The following ABHD17C variants were observed in gnomAD, a reference collection of about 807,000 sequenced individuals.
ABHD17C encodes the protein alpha/beta hydrolase domain-containing protein 17C.
In ABHD17C, 11 loss-of-function variants were observed where a neutral mutation model predicts 27.9. The observed-to-expected ratio is 0.39, with a 90% CI of 0.25 to 0.65. The LOEUF is 0.65. ABHD17C is among the 30% of genes least tolerant of loss of function. The pLI, the probability that ABHD17C is intolerant of heterozygous loss-of-function variation, is 0.45. For synonymous variants in ABHD17C, 233 were observed against 209.1 expected (o/e 1.11, Z -0.98); for missense variants, 280 against 470.2 (o/e 0.60, Z 3.74).
intron 1 of ABHD17C, among the ~76,000 whole-genome samples, chr15:80,723,248 G>C (rs559862985): frequency 1.3e-5 from 2 of 152,152 alleles, no homozygotes; most frequent in Admixed American, 1.3e-4. Flanking sequence ...GAGCTGCCAA[G>C]GCTGTTACAT....
At chr15:80,728,270 A>G (rs1895010063) in intron 1 of ABHD17C, among the ~76,000 whole-genome samples, 2 of 152,194 alleles carry the variant, frequency 1.3e-5, no homozygotes, top group African/African-American at 2.4e-5. Context: ...ACGTGCACGC[A>G]CACTCACCTA....
At chr15:80,709,766 T>C (rs150400105) in intron 1 of ABHD17C, among the ~76,000 whole-genome samples, 1 of 152,252 alleles carries the variant, frequency 6.6e-6, no homozygotes, top group African/African-American at 2.4e-5. Context: ...CCACACCTTG[T>C]ACCTCGTGAT....
Position 80,754,464 on chromosome 15 carries a change from C to A in ABHD17C, c.*94C>A. 9.1e-7 allele frequency: 1 copy of A among 1,099,616 alleles called. No homozygotes were observed. The highest frequency in any genetic ancestry group is 1.3e-6 in the Non-Finnish European group (1 of 777,074). The allele number at this position is 1,099,616 out of a possible 1,614,324, so 68.1% of individuals were successfully genotyped here. A position where few individuals can be genotyped will look rare whatever the true frequency, so the allele number is the denominator to read the frequency against. ...TGGGTAGCTGTAAAGGCTTGATAAC[C>A]ATGAAGAAGTGCCCAACCTTTAGGG... On this transcript the variant is annotated 3_prime_UTR_variant, in exon 3 of 3. Transcript: ENST00000258884.
chr15:80,695,433 C>T lies in ABHD17C; in HGVS notation c.4C>T (p.Pro2Ser). 7.5e-7 allele frequency: 1 copy of T among 1,330,130 alleles called. No homozygotes were observed. Among genetic ancestry groups the T allele is most frequent in the Non-Finnish European group, 9.8e-7 (1 of 1,024,596 alleles). 82.4% of individuals were successfully genotyped at this position (1,330,130 alleles called of 1,614,324 possible). ...CGGCGGGCACCAGGCCGTCCCGATG[C>T]CCGAGCCAGGCCCCAGGATGAACGG... Reference protein sequence around the residue: MPEPGPRMNGFS... With the variant: MSEPGPRMNGFS... Residue 2 changes from proline (P) to serine (S), a missense_variant, in exon 1 of 3, where the codon CCC (proline) becomes TCC (serine). Physicochemically the swap from Pro to Ser is moderately conservative, Grantham distance 74. Coordinates refer to ENST00000258884, the MANE Select transcript of ABHD17C (RefSeq NM_021214.2). This position sits in a 1 kb window ranked among gnomAD's most constrained non-coding sequence, Gnocchi z 4.3.
chr15:80,716,170 G>A (rs1894801409), intron 1 of ABHD17C, among the ~76,000 whole-genome samples: 2 of 152,216 alleles, frequency 1.3e-5, no homozygotes, highest in Admixed American at 1.3e-4. Flanking sequence ...GGTAACTAAA[G>A]AAGGGGGTTC....
At chr15:80,742,336 C>T (rs1247516996) in intron 1 of ABHD17C, among the ~76,000 whole-genome samples, 1 of 152,020 alleles carries the variant, frequency 6.6e-6, no homozygotes. Context: ...GAGAATCTTG[C>T]CGGGGGGTGA....
intron 1 of ABHD17C, among the ~76,000 whole-genome samples, chr15:80,735,339 G>A (rs1895115145): frequency 6.6e-6 from 1 of 151,980 alleles, no homozygotes; most frequent in African/African-American, 2.4e-5. Context: ...CTCCCAATTT[G>A]TGCCAATTTT....
intron 1 of ABHD17C, among the ~76,000 whole-genome samples, chr15:80,730,669 G>A (rs902484841): frequency 1.6e-4 from 24 of 152,186 alleles, no homozygotes; most frequent in African/African-American, 5.8e-4. Flanking sequence ...TTGAAACGTT[G>A]ACTCGCAGGA....
intron 1 of ABHD17C, among the ~76,000 whole-genome samples, chr15:80,724,019 A>G (rs552772216): frequency 1.3e-5 from 2 of 152,238 alleles, no homozygotes; most frequent in South Asian, 2.1e-4. Context: ...CCTGGCCAAC[A>G]TGGTGAAACC....
intron 1 of ABHD17C, among the ~76,000 whole-genome samples, chr15:80,718,220 T>G (rs1894835962): frequency 6.6e-6 from 1 of 151,792 alleles, no homozygotes; most frequent in African/African-American, 2.4e-5. Flanking sequence ...CATAAACTAT[T>G]GCCAAATCAG....
At chr15:80,723,853 C>T (rs151046790) in intron 1 of ABHD17C, among the ~76,000 whole-genome samples, 1 of 152,310 alleles carries the variant, frequency 6.6e-6, no homozygotes, top group Non-Finnish European at 1.5e-5. Flanking sequence ...GGGGTGCTTG[C>T]ATTTGCCTGT....
At chr15:80,723,138 A>ATGTGTG (rs57751486) in intron 1 of ABHD17C, among the ~76,000 whole-genome samples, 3,855 of 124,776 alleles carry the variant, frequency 0.031, 45 homozygotes, top group Middle Eastern at 0.061. Flanking sequence ...GTGTGTATAT[A>ATGTGTG]TGTGTGTGTG....
At chr15:80,734,622 ATCATG>A (rs1444244888) in intron 1 of ABHD17C, among the ~76,000 whole-genome samples, 1 of 152,236 alleles carries the variant, frequency 6.6e-6, no homozygotes. Context: ...AAATGAAGTC[ATCATG>A]TCAGGTCTTG....
At chr15:80,720,050 T>A (rs900414918) in intron 1 of ABHD17C, among the ~76,000 whole-genome samples, 2 of 152,198 alleles carry the variant, frequency 1.3e-5, no homozygotes, top group Non-Finnish European at 2.9e-5. Flanking sequence ...CCCTCCCACC[T>A]TAGCCTCCCA....
intron 1 of ABHD17C, among the ~76,000 whole-genome samples, chr15:80,698,509 C>A (rs940104645): frequency 6.6e-5 from 10 of 152,216 alleles, no homozygotes; most frequent in Non-Finnish European, 1.2e-4. Flanking sequence ...GGTCTCTTGA[C>A]TACCAGTTTA....
At chr15:80,727,375 C>T (rs539357497) in intron 1 of ABHD17C, among the ~76,000 whole-genome samples, 10 of 152,240 alleles carry the variant, frequency 6.6e-5, no homozygotes, top group Admixed American at 3.9e-4. Context: ...CAGGTGGAAC[C>T]GCATAGCCCC....
At chr15:80,726,480 G>A (rs909952995) in intron 1 of ABHD17C, among the ~76,000 whole-genome samples, 1 of 141,370 alleles carries the variant, frequency 7.1e-6, no homozygotes, top group Non-Finnish European at 1.5e-5. Flanking sequence ...CTTCTCCCTT[G>A]GTTAATTGCT....
At chr15:80,702,942 T>C (rs1894594154) in intron 1 of ABHD17C, 1 of 152,260 alleles carries the variant, frequency 6.6e-6, no homozygotes, top group African/African-American at 2.4e-5. Context: ...GTTCTGACTC[T>C]AGCACTCCCA....
At chr15:80,716,943 A>G (rs1052766608) in intron 1 of ABHD17C, among the ~76,000 whole-genome samples, 3 of 152,212 alleles carry the variant, frequency 2.0e-5, no homozygotes, top group African/African-American at 7.2e-5. Flanking sequence ...GGGGCAGTGC[A>G]GTGGGTCTGT....
Sources: gnomAD v4.1 joint callset for allele counts (sites outside exome capture counted in the v4.1 genomes callset) on GRCh38, gnomAD v4.1.1 for gene constraint, Gnocchi (gnomAD v3.1) non-coding constraint, MANE v1.5 for transcripts, NCBI Gene and HGNC (gene_info 2026-07-23, HGNC 2026-07-21) for gene names.